Variants in RAPGEF4 observed in about 807,000 individuals in gnomAD.
The protein encoded by RAPGEF4 is RAP guanine-nucleotide-exchange factor (GEF) 4.
A neutral mutation model predicts 147.9 loss-of-function variants in RAPGEF4; 66 were observed. That is an observed-to-expected ratio of 0.45 (90% CI 0.37 to 0.55). RAPGEF4 has a LOEUF of 0.55. Ranked by LOEUF, RAPGEF4 falls within the 20% of genes least tolerant of loss-of-function variation. The probability of loss-of-function intolerance (pLI) is 0.00; values close to 1 mark genes in which losing one functional copy is unlikely to be tolerated. For missense variants in RAPGEF4, 1,071 were observed against 1,257.3 expected (o/e 0.85, Z 2.24); for synonymous variants, 419 against 442.7 (o/e 0.95, Z 0.67).
At chr2:172,903,097 G>A (rs1268272177) in intron 4 of RAPGEF4, among the ~76,000 whole-genome samples, 7 of 152,064 alleles carry the variant, frequency 4.6e-5, no homozygotes, top group South Asian at 2.1e-4. Flanking sequence ...GGCCAGGTGC[G>A]GTGGCTCAAG....
chr2:173,000,643 G>C (rs1693802615), intron 16 of RAPGEF4, among the ~76,000 whole-genome samples: 1 of 152,094 alleles, frequency 6.6e-6, no homozygotes, highest in Admixed American at 6.5e-5. Flanking sequence ...TTCACATATA[G>C]GACAGTCACC....
chr2:173,045,157 A>G (rs1337734492), intron 29 of RAPGEF4, among the ~76,000 whole-genome samples: 3 of 152,354 alleles, frequency 2.0e-5, no homozygotes, highest in Admixed American at 6.5e-5. Flanking sequence ...GATAGACTCT[A>G]ACTAGATGGT....
chr2:172,898,032 G>T (rs1328841566), intron 4 of RAPGEF4, among the ~76,000 whole-genome samples: 1 of 152,122 alleles, frequency 6.6e-6, no homozygotes, highest in African/African-American at 2.4e-5. Flanking sequence ...CAGGCTGCAG[G>T]CTGAGCACAG....
intron 4 of RAPGEF4, among the ~76,000 whole-genome samples, chr2:172,910,779 G>A (rs139173204): frequency 7.6e-4 from 115 of 152,294 alleles, no homozygotes; most frequent in African/African-American, 2.4e-3. Context: ...AGAGCATTTC[G>A]AGACCAAGTG....
intron 10 of RAPGEF4, among the ~76,000 whole-genome samples, chr2:172,981,846 G>C (rs1691711727): frequency 6.6e-6 from 1 of 152,208 alleles, no homozygotes. Flanking sequence ...TGATTACTAA[G>C]AGTACTTATC....
intron 10 of RAPGEF4, among the ~76,000 whole-genome samples, chr2:172,968,857 G>A (rs1690150966): frequency 6.6e-6 from 1 of 152,154 alleles, no homozygotes; most frequent in Non-Finnish European, 1.5e-5. Flanking sequence ...ACCATTTTAA[G>A]CCATGTTTTC....
chr2:173,047,828 C>T (rs1221955645), intron 29 of RAPGEF4, among the ~76,000 whole-genome samples: 4 of 152,250 alleles, frequency 2.6e-5, no homozygotes, highest in South Asian at 2.1e-4. Flanking sequence ...AGGCGCCTGC[C>T]ACCACGCCCG....
chr2:172,912,361 G>T (rs1239109227), intron 4 of RAPGEF4, among the ~76,000 whole-genome samples: 1 of 152,098 alleles, frequency 6.6e-6, no homozygotes. Context: ...ACCTTTTTGT[G>T]GTTACTGTGA....
intron 22 of RAPGEF4, among the ~76,000 whole-genome samples, chr2:173,019,163 C>T (rs1312703630): frequency 6.6e-6 from 1 of 152,198 alleles, no homozygotes; most frequent in Non-Finnish European, 1.5e-5. Context: ...CCATGGGTTT[C>T]TACAAGTCCA....
intron 4 of RAPGEF4, among the ~76,000 whole-genome samples, chr2:172,847,743 C>T (rs1385011006): frequency 6.6e-6 from 1 of 152,096 alleles, no homozygotes; most frequent in Non-Finnish European, 1.5e-5. Flanking sequence ...TAGTTTAGTT[C>T]CAGGGATTAC....
At chr2:172,839,231 G>A (rs2149696872) in intron 4 of RAPGEF4, among the ~76,000 whole-genome samples, 1 of 152,172 alleles carries the variant, frequency 6.6e-6, no homozygotes, top group East Asian at 1.9e-4. Context: ...CCAAGAGAGG[G>A]TTCTTGGATC....
chr2:173,024,772 T>C (rs1696498456), intron 23 of RAPGEF4, among the ~76,000 whole-genome samples: 1 of 152,220 alleles, frequency 6.6e-6, no homozygotes, highest in African/African-American at 2.4e-5. Flanking sequence ...TAACCTGGTC[T>C]ATTATCTAGT....
rs548714898 is a variant in RAPGEF4 at position 172,921,472 on chromosome 2, G to A, written c.518-809G>A. On this transcript the variant is annotated intron_variant, in intron 5 of 30. Coordinates refer to ENST00000397081, the MANE Select transcript of RAPGEF4 (RefSeq NM_007023.4). The stretch of plus-strand genomic sequence containing the variant: ...AAAATGTCCTGTTTACTCAGAATTT[G>A]GATTATTGTATTTTTTTGTTGCAAA... Among the ~76,000 whole-genome samples the A allele has an allele frequency of 9.9e-5, 15 of 152,226 alleles. No individual in the cohort carries two copies. The South Asian group carries it at 3.1e-3, about 32-fold the overall frequency.
intron 1 of RAPGEF4, among the ~76,000 whole-genome samples, chr2:172,756,305 C>T (rs1052473000): frequency 7.2e-5 from 11 of 152,150 alleles, no homozygotes; most frequent in Admixed American, 2.0e-4. Context: ...GCTCCAGTGC[C>T]GTTTCCCATG....
At chr2:172,736,648 C>A (rs371862816) in intron 1 of RAPGEF4, among the ~76,000 whole-genome samples, 8 of 152,144 alleles carry the variant, frequency 5.3e-5, no homozygotes, top group African/African-American at 1.9e-4. Context: ...AAGATCTTTA[C>A]GCTAAAAATA....
At chr2:172,773,269 A>T (rs1204268574) in intron 1 of RAPGEF4, among the ~76,000 whole-genome samples, 1 of 152,234 alleles carries the variant, frequency 6.6e-6, no homozygotes, top group Non-Finnish European at 1.5e-5. Flanking sequence ...ACACATTTAA[A>T]GAGTTTACTA....
intron 16 of RAPGEF4, among the ~76,000 whole-genome samples, chr2:172,998,603 T>A (rs1294607852): frequency 1.3e-5 from 2 of 152,160 alleles, no homozygotes; most frequent in Non-Finnish European, 2.9e-5. Flanking sequence ...TGGTTGAAGA[T>A]GTCTGAGCAA....
intron 1 of RAPGEF4, among the ~76,000 whole-genome samples, chr2:172,793,846 T>G (rs1165016262): frequency 6.6e-6 from 1 of 152,034 alleles, no homozygotes; most frequent in Non-Finnish European, 1.5e-5. Context: ...GTTCAAGAAA[T>G]ATGAACAGAC....
chr2:172,826,724 T>C (rs940739501), intron 4 of RAPGEF4, among the ~76,000 whole-genome samples: 1 of 152,124 alleles, frequency 6.6e-6, no homozygotes, highest in Non-Finnish European at 1.5e-5. Flanking sequence ...CCCAGCACTT[T>C]GGGAGGGTGA....
Sources: gnomAD v4.1 joint callset for allele counts (sites outside exome capture counted in the v4.1 genomes callset) on GRCh38, gnomAD v4.1.1 for gene constraint, MANE v1.5 for transcripts, NCBI Gene and HGNC (gene_info 2026-07-23, HGNC 2026-07-21) for gene names.